Variants in AK5 observed in about 807,000 individuals in gnomAD.
AK5 encodes adenylate kinase isoenzyme 5.
A neutral mutation model predicts 69.5 loss-of-function variants in AK5; 27 were observed. That is an observed-to-expected ratio of 0.39 (90% confidence interval 0.29 to 0.54). The LOEUF is 0.54. AK5 is among the 20% of genes least tolerant of loss of function. AK5 has a pLI of 0.71. For missense variants in AK5, 531 were observed against 700.4 expected (o/e 0.76, Z 2.73); for synonymous variants, 260 against 244.4 (o/e 1.06, Z -0.60).
intron 6 of AK5, among the ~76,000 whole-genome samples, chr1:77,351,732 G>A (rs954769283): frequency 3.3e-5 from 5 of 152,080 alleles, no homozygotes; most frequent in African/African-American, 1.2e-4. Flanking sequence ...GGTCAGAAGT[G>A]GAGCATGTGT....
chr1:77,287,376 G>T (rs1658417636), intron 2 of AK5, among the ~76,000 whole-genome samples: 1 of 152,020 alleles, frequency 6.6e-6, no homozygotes, highest in African/African-American at 2.4e-5. Context: ...TTATTATTTT[G>T]CAAAATAAAT....
At chr1:77,435,483 A>C (rs1226624834) in intron 8 of AK5, among the ~76,000 whole-genome samples, 3 of 152,080 alleles carry the variant, frequency 2.0e-5, no homozygotes, top group African/African-American at 7.2e-5. Flanking sequence ...CCCCATCTCC[A>C]TTAAAAATAT....
intron 6 of AK5, among the ~76,000 whole-genome samples, chr1:77,391,423 A>G (rs1414234647): frequency 8.0e-6 from 1 of 125,310 alleles, no homozygotes; most frequent in East Asian, 2.2e-4. Context: ...ATATATATGT[A>G]TATATATACA....
chr1:77,476,642 G>A (rs1654952160), intron 8 of AK5, among the ~76,000 whole-genome samples: 3 of 152,088 alleles, frequency 2.0e-5, no homozygotes, highest in Non-Finnish European at 2.9e-5. Flanking sequence ...CACGCCAGCC[G>A]GGTCAGCCGG....
intron 6 of AK5, among the ~76,000 whole-genome samples, chr1:77,380,828 A>C (rs539167623): frequency 3.8e-4 from 58 of 152,260 alleles, no homozygotes; most frequent in Admixed American, 2.0e-3. Context: ...GGAAGATAGG[A>C]ATTAGCTGGG....
At chr1:77,536,750 A>T (rs918048968) in intron 13 of AK5, among the ~76,000 whole-genome samples, 1 of 152,226 alleles carries the variant, frequency 6.6e-6, no homozygotes, top group Non-Finnish European at 1.5e-5. Flanking sequence ...TTGAATTTCT[A>T]TAATTTTACA....
chr1:77,534,906 G>A (rs1199589177), intron 12 of AK5, among the ~76,000 whole-genome samples: 1 of 152,146 alleles, frequency 6.6e-6, no homozygotes, highest in Non-Finnish European at 1.5e-5. Flanking sequence ...GGAAGTTATG[G>A]GGCTCAGCGG....
At chr1:77,444,601 T>C (rs1303063185) in intron 8 of AK5, among the ~76,000 whole-genome samples, 1 of 38,206 alleles carries the variant, frequency 2.6e-5, no homozygotes, top group Admixed American at 5.5e-4. Context: ...AGTATAAATA[T>C]ATACTATATA....
At chr1:77,441,750 T>C (rs1652339377) in intron 8 of AK5, among the ~76,000 whole-genome samples, 1 of 152,212 alleles carries the variant, frequency 6.6e-6, no homozygotes, top group Non-Finnish European at 1.5e-5. Flanking sequence ...TGACACAGCC[T>C]AGAAGCAATT....
chr1:77,354,573 A>G (rs982879147), intron 6 of AK5, among the ~76,000 whole-genome samples: 4 of 152,262 alleles, frequency 2.6e-5, no homozygotes, highest in Non-Finnish European at 4.4e-5. Flanking sequence ...GCATACATTA[A>G]TGAATTGTAC....
intron 6 of AK5, among the ~76,000 whole-genome samples, chr1:77,356,966 T>C (rs1439335428): frequency 1.3e-5 from 2 of 152,194 alleles, no homozygotes; most frequent in Admixed American, 1.3e-4. Context: ...CTTCAGAAGC[T>C]ATTTGATAAG....
At chr1:77,475,572 T>C (rs1654891867) in intron 8 of AK5, among the ~76,000 whole-genome samples, 1 of 142,902 alleles carries the variant, frequency 7.0e-6, no homozygotes, top group African/African-American at 2.6e-5. Flanking sequence ...TTACTCTCTC[T>C]GTATATCTAT....
intron 13 of AK5, among the ~76,000 whole-genome samples, chr1:77,546,433 A>G (rs1659547996): frequency 6.6e-6 from 1 of 152,144 alleles, no homozygotes; most frequent in Admixed American, 6.5e-5. Context: ...GGGAATTCAT[A>G]GGAAAAAGAC....
At chr1:77,426,223 G>A (rs1440506488) in intron 8 of AK5, among the ~76,000 whole-genome samples, 1 of 152,134 alleles carries the variant, frequency 6.6e-6, no homozygotes, top group Admixed American at 6.5e-5. Flanking sequence ...CCCACTATAT[G>A]TTGTCTACAA....
intron 6 of AK5, among the ~76,000 whole-genome samples, chr1:77,348,312 T>C (rs1442453571): frequency 1.3e-5 from 2 of 152,216 alleles, no homozygotes; most frequent in Non-Finnish European, 2.9e-5. Flanking sequence ...CTGTGTGTTC[T>C]CATTGTTCAA....
chr1:77,388,669 T>G (rs1648194454), intron 6 of AK5, among the ~76,000 whole-genome samples: 1 of 152,066 alleles, frequency 6.6e-6, no homozygotes, highest in Admixed American at 6.6e-5. Flanking sequence ...CTTTAAAATG[T>G]TATCAGCTAC....
At position 77,378,585 on chromosome 1, in the gene AK5, T is replaced by C. The variant is rs537006381; in HGVS notation, c.892-32396T>C. Among the ~76,000 whole-genome samples the C allele has an allele frequency of 1.8e-3, 270 of 152,338 alleles. 1 individual carries two copies. Among genetic ancestry groups the C allele is most frequent in the African/African-American group, 6.2e-3 (258 of 41,576 alleles). On this transcript the variant is annotated intron_variant, in intron 6 of 13. Coordinates refer to ENST00000354567, the MANE Select transcript of AK5 (RefSeq NM_174858.3). ...ATCCACCCACCTTGGCCTCCCAAAG[T>C]GCTGGGATTACAGGCATAAGCCATC... is the stretch of plus-strand genomic sequence containing the variant.
At chr1:77,327,157 T>TGG (rs1165919981) in intron 5 of AK5, among the ~76,000 whole-genome samples, 1 of 151,958 alleles carries the variant, frequency 6.6e-6, no homozygotes, top group Non-Finnish European at 1.5e-5. Flanking sequence ...AAGGCCAAGG[T>TGG]GGCAGGATTG....
At chr1:77,491,498 G>A (rs1337291854) in intron 10 of AK5, among the ~76,000 whole-genome samples, 1 of 151,866 alleles carries the variant, frequency 6.6e-6, no homozygotes, top group African/African-American at 2.4e-5. Flanking sequence ...GTAGAGACGG[G>A]GTTTCACCAT....
Sources: gnomAD v4.1 joint callset for allele counts (sites outside exome capture counted in the v4.1 genomes callset) on GRCh38, gnomAD v4.1.1 for gene constraint, MANE v1.5 for transcripts, NCBI Gene and HGNC (gene_info 2026-07-23, HGNC 2026-07-21) for gene names.